TENM2: variants seen among roughly 807,000 people sequenced by gnomAD.
TENM2 encodes the protein teneurin-2.
TENM2 carries 52 observed loss-of-function variants against 245.2 expected under a neutral mutation model. That is an observed-to-expected ratio of 0.21 (90% CI 0.17 to 0.27). The LOEUF is 0.27. Ranked by LOEUF, TENM2 falls within the 10% of genes least tolerant of loss-of-function variation. The pLI is 1.00. For synonymous variants in TENM2, 1,363 were observed against 1,438.9 expected (o/e 0.95, Z 1.19); for missense variants, 3,046 against 3,666.8 (o/e 0.83, Z 4.37).
intron 1 of TENM2, among the ~76,000 whole-genome samples, chr5:167,318,038 G>C (rs749778689): frequency 1.3e-5 from 2 of 152,134 alleles, no homozygotes; most frequent in Non-Finnish European, 2.9e-5. Flanking sequence ...AAGTGGAATC[G>C]GGCATGACAC....
intron 2 of TENM2, among the ~76,000 whole-genome samples, chr5:167,431,464 T>TATTTTTTCACTTAAAAAA (rs1169945662): frequency 3.3e-5 from 5 of 152,116 alleles, no homozygotes; most frequent in African/African-American, 1.2e-4. Context: ...TGAAGAAAAT[T>TATTTTTTCACTTAAAAAA]ATTTTAAAAA....
At chr5:167,644,592 A>C (rs1432474245) in intron 2 of TENM2, among the ~76,000 whole-genome samples, 1 of 152,190 alleles carries the variant, frequency 6.6e-6, no homozygotes, top group Non-Finnish European at 1.5e-5. Flanking sequence ...CTGGAATAAG[A>C]TAAACGCCTC....
chr5:167,596,272 GC>G (rs950085464), intron 2 of TENM2, among the ~76,000 whole-genome samples: 3 of 152,058 alleles, frequency 2.0e-5, no homozygotes, highest in Non-Finnish European at 4.4e-5. Context: ...AGGAACAGAG[GC>G]CCCGAAAGCC....
intron 14 of TENM2, among the ~76,000 whole-genome samples, chr5:168,194,219 G>A (rs1167615841): frequency 6.6e-6 from 1 of 152,150 alleles, no homozygotes; most frequent in East Asian, 1.9e-4. Flanking sequence ...CCAGTCTGCT[G>A]GGGGCTTGGT....
chr5:167,875,088 C>G (rs1773305253), intron 2 of TENM2, among the ~76,000 whole-genome samples: 1 of 152,086 alleles, frequency 6.6e-6, no homozygotes, highest in Non-Finnish European at 1.5e-5. Flanking sequence ...ATTGGTGATG[C>G]AGGGGGTGAA....
intron 2 of TENM2, among the ~76,000 whole-genome samples, chr5:167,702,144 G>A (rs543407939): frequency 6.6e-5 from 10 of 152,232 alleles, no homozygotes; most frequent in African/African-American, 1.4e-4. Context: ...ACTCTGAAAC[G>A]CCAAAGAAAG....
chr5:167,970,330 ATC>A (rs1163667208), intron 4 of TENM2, among the ~76,000 whole-genome samples: 1 of 152,236 alleles, frequency 6.6e-6, no homozygotes, highest in East Asian at 1.9e-4. Context: ...GTCTCCTGAC[ATC>A]TCTTTTAAGC....
At chr5:167,343,468 T>C (rs1325788577) in intron 1 of TENM2, among the ~76,000 whole-genome samples, 1 of 152,192 alleles carries the variant, frequency 6.6e-6, no homozygotes, top group African/African-American at 2.4e-5. Context: ...AGAAATATTT[T>C]GTTTTATTCC....
chr5:167,979,863 G>A (rs986962844), intron 4 of TENM2, among the ~76,000 whole-genome samples: 2 of 152,226 alleles, frequency 1.3e-5, no homozygotes, highest in East Asian at 3.9e-4. Flanking sequence ...GTTGTTTATC[G>A]AAATCTTGAA....
intron 2 of TENM2, among the ~76,000 whole-genome samples, chr5:167,431,929 A>C (rs540471931): frequency 1.0e-5 from 1 of 99,408 alleles, no homozygotes; most frequent in African/African-American, 3.8e-5. Flanking sequence ...ATATATATAC[A>C]TATATATATA....
chr5:167,845,292 ACT>A (rs140330873), intron 2 of TENM2, among the ~76,000 whole-genome samples: 9 of 93,128 alleles, frequency 9.7e-5, no homozygotes, highest in African/African-American at 3.6e-4. Context: ...ACACGGCCCC[ACT>A]CTCTCTCTCT....
chr5:167,265,321 G>C, the TENM2 span, among the ~76,000 whole-genome samples: 2 of 110,290 alleles, frequency 1.8e-5, no homozygotes, highest in African/African-American at 7.4e-5. Flanking sequence ...GACACAGTGA[G>C]ACTCTGTCTC....
chr5:167,837,534 A>G (rs1442750264), intron 2 of TENM2, among the ~76,000 whole-genome samples: 1 of 152,220 alleles, frequency 6.6e-6, no homozygotes, highest in Non-Finnish European at 1.5e-5. Context: ...TAAAGGTTAC[A>G]TTAATTTGAC....
intron 2 of TENM2, among the ~76,000 whole-genome samples, chr5:167,780,165 A>C (rs1662710934): frequency 6.6e-6 from 1 of 152,236 alleles, no homozygotes; most frequent in Admixed American, 6.5e-5. Flanking sequence ...AGCTCTTCTT[A>C]CTTTGTCAAG....
intron 3 of TENM2, among the ~76,000 whole-genome samples, chr5:167,927,298 A>G (rs1777839601): frequency 6.6e-6 from 1 of 152,176 alleles, no homozygotes; most frequent in Non-Finnish European, 1.5e-5. Flanking sequence ...TTATAATTCC[A>G]AAGTGTCCTT....
intron 2 of TENM2, among the ~76,000 whole-genome samples, chr5:167,474,214 A>G (rs1767222058): frequency 6.6e-6 from 1 of 152,206 alleles, no homozygotes; most frequent in African/African-American, 2.4e-5. Flanking sequence ...TAGTATAGTT[A>G]TACAAGATTT....
chr5:167,801,157 T>A (rs2150950193), intron 2 of TENM2, among the ~76,000 whole-genome samples: 1 of 126,700 alleles, frequency 7.9e-6, no homozygotes, highest in Admixed American at 8.4e-5. Flanking sequence ...TATATATGTA[T>A]ATATTCCCCA....
chr5:167,783,635 C>G (rs1172975740), intron 2 of TENM2, among the ~76,000 whole-genome samples: 4 of 152,212 alleles, frequency 2.6e-5, no homozygotes, highest in Non-Finnish European at 4.4e-5. Flanking sequence ...TTCCTCTATA[C>G]TGACCTTATG....
intron 3 of TENM2, among the ~76,000 whole-genome samples, chr5:167,943,223 C>G (rs901053865): frequency 6.6e-6 from 1 of 152,164 alleles, no homozygotes; most frequent in South Asian, 2.1e-4. Flanking sequence ...AACCTTTATC[C>G]CATCCTTGCC....
Sources: gnomAD v4.1 joint callset for allele counts (sites outside exome capture counted in the v4.1 genomes callset) on GRCh38, gnomAD v4.1.1 for gene constraint, MANE v1.5 for transcripts, NCBI Gene and HGNC (gene_info 2026-07-23, HGNC 2026-07-21) for gene names.